The following CHRM2 variants were observed in gnomAD, a reference collection of about 807,000 sequenced individuals.
CHRM2 encodes cholinergic receptor muscarinic 2.
CHRM2 carries 8 observed loss-of-function variants against 25.0 expected under a neutral mutation model. That is an observed-to-expected ratio of 0.32 (90% CI 0.19 to 0.58). CHRM2 has a LOEUF of 0.58. Ranked by LOEUF, CHRM2 falls within the 20% of genes least tolerant of loss-of-function variation. The probability of loss-of-function intolerance (pLI) is 0.88; values close to 1 mark genes in which losing one functional copy is unlikely to be tolerated. For missense variants in CHRM2, 440 were observed against 567.1 expected (o/e 0.78, Z 2.28); for synonymous variants, 202 against 205.7 (o/e 0.98, Z 0.15).
intron 2 of CHRM2, among the ~76,000 whole-genome samples, chr7:136,980,006 A>C (rs564455150): frequency 6.6e-6 from 1 of 152,204 alleles, no homozygotes; most frequent in African/African-American, 2.4e-5. Flanking sequence ...CTTGATGGGA[A>C]TAGCATTGAA....
chr7:136,944,315 C>T (rs1257875059), intron 2 of CHRM2, among the ~76,000 whole-genome samples: 1 of 151,278 alleles, frequency 6.6e-6, no homozygotes, highest in African/African-American at 2.4e-5. Context: ...GCTTAGCTTC[C>T]ACTTATAAGT....
At position 136,994,521 on chromosome 7, in the gene CHRM2, C is replaced by CTTTTTTT. The variant is rs757243972; in HGVS notation, c.-47+2277_-47+2283dup. 9.8e-4 allele frequency among the ~76,000 whole-genome samples: 70 copies of CTTTTTTT among 71,368 alleles called. 2 individuals are homozygous for CTTTTTTT. Among genetic ancestry groups the CTTTTTTT allele is most frequent in the African/African-American group, 3.6e-3 (63 of 17,606 alleles). The allele number at this position is 71,368 out of a possible 152,430, so 46.8% of individuals were successfully genotyped here. On this transcript the variant is annotated intron_variant, in intron 3 of 3. Transcript: ENST00000680005. ...GTGCTTTCTGCTCTTTTTTTCTTTT[C>CTTTTTTT]TTTTTTTTTTTTTTTTTTTTTTTTT...
intron 2 of CHRM2, among the ~76,000 whole-genome samples, chr7:136,903,792 C>T (rs1173700175): frequency 6.6e-6 from 1 of 151,792 alleles, no homozygotes; most frequent in Non-Finnish European, 1.5e-5. Flanking sequence ...GTTTTAATAA[C>T]TCTACTAGTG....
At chr7:136,914,688 A>G (rs1319212105) in intron 2 of CHRM2, among the ~76,000 whole-genome samples, 1 of 151,962 alleles carries the variant, frequency 6.6e-6, no homozygotes, top group East Asian at 1.9e-4. Context: ...TCTAAAAAGC[A>G]ATACAATTTT....
intron 3 of CHRM2, among the ~76,000 whole-genome samples, chr7:137,002,529 T>C (rs1305259793): frequency 6.6e-6 from 1 of 152,184 alleles, no homozygotes; most frequent in African/African-American, 2.4e-5. Flanking sequence ...GAATTTTAAA[T>C]AGAGGTTCAC....
intron 2 of CHRM2, among the ~76,000 whole-genome samples, chr7:136,876,535 G>A (rs1796059355): frequency 6.6e-6 from 1 of 151,994 alleles, no homozygotes; most frequent in Admixed American, 6.6e-5. Flanking sequence ...GATACCCACA[G>A]TACCCCTCCA....
intron 2 of CHRM2, among the ~76,000 whole-genome samples, chr7:136,953,461 T>A (rs557328633): frequency 1.3e-5 from 2 of 152,276 alleles, no homozygotes; most frequent in African/African-American, 4.8e-5. Flanking sequence ...TCTTAAGTCA[T>A]ATGAGTACTT....
intron 3 of CHRM2, among the ~76,000 whole-genome samples, chr7:137,005,208 A>G (rs1194099847): frequency 6.6e-6 from 1 of 152,108 alleles, no homozygotes; most frequent in Admixed American, 6.6e-5. Context: ...AGAGGCGATG[A>G]CTAATAATAG....
chr7:136,875,332 C>T (rs184244693), intron 2 of CHRM2, among the ~76,000 whole-genome samples: 31 of 152,174 alleles, frequency 2.0e-4, no homozygotes, highest in Admixed American at 1.4e-3. Flanking sequence ...TCAAGCTGCA[C>T]ATTTTTATTA....
chr7:136,877,262 A>G (rs899029189), intron 2 of CHRM2, among the ~76,000 whole-genome samples: 6 of 152,096 alleles, frequency 3.9e-5, no homozygotes, highest in African/African-American at 1.4e-4. Flanking sequence ...GTTCAGGAAG[A>G]CAGCTATAGA....
intron 3 of CHRM2, among the ~76,000 whole-genome samples, chr7:137,006,046 T>C (rs1007621536): frequency 2.6e-5 from 4 of 152,110 alleles, no homozygotes; most frequent in African/African-American, 9.7e-5. Flanking sequence ...ACAGAGGGCT[T>C]TCTCCACTTT....
chr7:136,920,953 T>C (rs1305172898), intron 2 of CHRM2, among the ~76,000 whole-genome samples: 1 of 152,114 alleles, frequency 6.6e-6, no homozygotes, highest in Non-Finnish European at 1.5e-5. Flanking sequence ...TAACTTCTGA[T>C]GTTACTTTCC....
intron 2 of CHRM2, among the ~76,000 whole-genome samples, chr7:136,912,798 AT>A (rs1264498857): frequency 1.3e-5 from 2 of 151,944 alleles, no homozygotes; most frequent in Non-Finnish European, 2.9e-5. Flanking sequence ...CTGCTATTTG[AT>A]TTTAAATAAA....
intron 2 of CHRM2, among the ~76,000 whole-genome samples, chr7:136,879,917 A>G (rs994754109): frequency 6.6e-6 from 1 of 151,868 alleles, no homozygotes; most frequent in Admixed American, 6.6e-5. Context: ...TGAAATGTTC[A>G]GTTTGAACCG....
chr7:136,948,404 G>A (rs1162813053), intron 2 of CHRM2, among the ~76,000 whole-genome samples: 1 of 152,112 alleles, frequency 6.6e-6, no homozygotes, highest in Non-Finnish European at 1.5e-5. Flanking sequence ...TAGTAAGTAG[G>A]CCAAACTTGT....
intron 2 of CHRM2, among the ~76,000 whole-genome samples, chr7:136,957,530 T>C (rs1584822571): frequency 6.6e-6 from 1 of 152,176 alleles, no homozygotes; most frequent in African/African-American, 2.4e-5. Context: ...ATTATAAAAA[T>C]ACCAGCTTAT....
At chr7:136,911,809 A>C (rs1384854241) in intron 2 of CHRM2, among the ~76,000 whole-genome samples, 2 of 151,916 alleles carry the variant, frequency 1.3e-5, no homozygotes, top group African/African-American at 4.8e-5. Context: ...ATTTTTATAA[A>C]TGTGGATTAC....
intron 2 of CHRM2, among the ~76,000 whole-genome samples, chr7:136,908,913 G>A (rs756383681): frequency 4.0e-5 from 6 of 151,862 alleles, no homozygotes; most frequent in Admixed American, 6.6e-5. Context: ...GCCTTACTAC[G>A]CACAGAATTT....
chr7:136,978,734 A>G (rs1332200523), intron 2 of CHRM2, among the ~76,000 whole-genome samples: 1 of 152,126 alleles, frequency 6.6e-6, no homozygotes, highest in Non-Finnish European at 1.5e-5. Flanking sequence ...GTTTGCTGAG[A>G]ATGATGGTTA....
Sources: gnomAD v4.1 joint callset for allele counts (sites outside exome capture counted in the v4.1 genomes callset) on GRCh38, gnomAD v4.1.1 for gene constraint, MANE v1.5 for transcripts, NCBI Gene and HGNC (gene_info 2026-07-23, HGNC 2026-07-21) for gene names.